The following CENPW variants were observed in gnomAD, a reference collection of about 807,000 sequenced individuals.
CENPW encodes cancer-up-regulated gene 2 protein.
A neutral mutation model predicts 11.1 loss-of-function variants in CENPW; 3 were observed. That is an observed-to-expected ratio of 0.27 (90% CI 0.12 to 0.70). The LOEUF (loss-of-function observed/expected upper bound fraction) is 0.70. CENPW is among the 30% of genes least tolerant of loss of function. The pLI is 0.77. For synonymous variants in CENPW, 38 were observed against 42.0 expected, an observed-to-expected ratio of 0.91 and a Z score of 0.37; for missense variants, 100 against 105.6, an observed-to-expected ratio of 0.95 and a Z score of 0.23.
At chr6:126,412,377 C>T in the CENPW span, among the ~76,000 whole-genome samples, 2 of 151,432 alleles carry the variant, frequency 1.3e-5, no homozygotes, top group African/African-American at 4.9e-5. Flanking sequence ...ATATGTTATC[C>T]CACTGCCTTC....
At chr6:126,416,166 T>G in the CENPW span, among the ~76,000 whole-genome samples, 3 of 152,174 alleles carry the variant, frequency 2.0e-5, no homozygotes, top group African/African-American at 7.2e-5. Context: ...AGGTGATGAC[T>G]CTTCTTATGT....
the CENPW span, among the ~76,000 whole-genome samples, chr6:126,454,788 G>T: frequency 6.6e-6 from 1 of 150,828 alleles, no homozygotes; most frequent in Non-Finnish European, 1.5e-5. Flanking sequence ...TCCATGAGTT[G>T]GTTTTTTGAT....
the CENPW span, among the ~76,000 whole-genome samples, chr6:126,368,592 A>T: frequency 6.7e-6 from 1 of 149,638 alleles, no homozygotes; most frequent in African/African-American, 2.5e-5. Flanking sequence ...TTTAGTGGTG[A>T]TGTGAGAGAT....
At chr6:126,477,220 T>C in the CENPW span, among the ~76,000 whole-genome samples, 1 of 151,888 alleles carries the variant, frequency 6.6e-6, no homozygotes, top group East Asian at 1.9e-4. Flanking sequence ...ATTAAGAGAG[T>C]ACAATGTCAA....
the CENPW span, among the ~76,000 whole-genome samples, chr6:126,367,960 G>A: frequency 2.6e-5 from 4 of 152,160 alleles, no homozygotes; most frequent in Non-Finnish European, 5.9e-5. Flanking sequence ...GTAATCTAGA[G>A]GACTTCCATT....
At chr6:126,365,367 C>G in the CENPW span, among the ~76,000 whole-genome samples, 69,516 of 151,990 alleles carry the variant, frequency 0.46, 17,509 homozygotes, top group East Asian at 0.97. Context: ...TTTGCAGGCT[C>G]TACAGGCTTC....
At chr6:126,463,218 C>T in the CENPW span, among the ~76,000 whole-genome samples, 160 of 151,982 alleles carry the variant, frequency 1.1e-3, no homozygotes, top group Non-Finnish European at 1.6e-3. Context: ...AAGACTAAAG[C>T]CCTGGATGTT....
chr6:126,356,875 T>C, the CENPW span, among the ~76,000 whole-genome samples: 3 of 152,140 alleles, frequency 2.0e-5, no homozygotes, highest in Non-Finnish European at 4.4e-5. Flanking sequence ...CTCCCATTTC[T>C]CCCATTTCTG....
chr6:126,447,053 C>T, the CENPW span, among the ~76,000 whole-genome samples: 1 of 151,046 alleles, frequency 6.6e-6, no homozygotes, highest in Non-Finnish European at 1.5e-5. Flanking sequence ...GGCCTACCTG[C>T]TGTTATAGGG....
the CENPW span, among the ~76,000 whole-genome samples, chr6:126,357,814 G>A: frequency 6.6e-6 from 1 of 151,894 alleles, no homozygotes; most frequent in Non-Finnish European, 1.5e-5. Flanking sequence ...TCACCATATC[G>A]GCCAGGCTGG....
the CENPW span, among the ~76,000 whole-genome samples, chr6:126,392,590 A>G: frequency 2.6e-5 from 4 of 151,842 alleles, no homozygotes; most frequent in African/African-American, 7.2e-5. Context: ...TCATTTTGTT[A>G]GAATGATGTA....
At chr6:126,426,693 G>A in the CENPW span, among the ~76,000 whole-genome samples, 6 of 152,178 alleles carry the variant, frequency 3.9e-5, no homozygotes, top group African/African-American at 1.4e-4. Context: ...AACCTCTACT[G>A]TTACCTCAAA....
chr6:126,446,451 A>G, the CENPW span, among the ~76,000 whole-genome samples: 1 of 150,356 alleles, frequency 6.7e-6, no homozygotes, highest in African/African-American at 2.4e-5. Context: ...TTACTGAGAC[A>G]GACTTTCTCT....
intron 2 of CENPW, among the ~76,000 whole-genome samples, chr6:126,348,097 T>A (rs1780442465): frequency 6.6e-6 from 1 of 151,998 alleles, no homozygotes; most frequent in Admixed American, 6.6e-5. Context: ...TTTAACTCTT[T>A]AATTGGTATT....
intron 2 of CENPW, among the ~76,000 whole-genome samples, chr6:126,347,776 T>A: frequency 6.6e-6 from 1 of 152,168 alleles, no homozygotes; most frequent in Middle Eastern, 3.4e-3. Context: ...TTTTTATTAA[T>A]AAACTGTAGG....
chr6:126,385,330 A>G, the CENPW span, among the ~76,000 whole-genome samples: 1 of 152,156 alleles, frequency 6.6e-6, no homozygotes. Flanking sequence ...AGTGCTATTC[A>G]CAATAGCAAA....
the CENPW span, among the ~76,000 whole-genome samples, chr6:126,382,259 C>T: frequency 6.6e-6 from 1 of 151,386 alleles, no homozygotes; most frequent in Non-Finnish European, 1.5e-5. Flanking sequence ...ATATATATAC[C>T]TTGAAGGTCA....
At chr6:126,428,873 ATAAT>A in the CENPW span, among the ~76,000 whole-genome samples, 1 of 152,194 alleles carries the variant, frequency 6.6e-6, no homozygotes, top group Admixed American at 6.5e-5. Flanking sequence ...GAAAATAACT[ATAAT>A]TATATATTCC....
At chr6:126,374,334 C>T in the CENPW span, among the ~76,000 whole-genome samples, 3 of 152,106 alleles carry the variant, frequency 2.0e-5, no homozygotes, top group Non-Finnish European at 4.4e-5. Flanking sequence ...ATAGCAAAGC[C>T]AGTGGCTCTT....
Sources: allele counts gnomAD v4.1 joint callset (sites outside exome capture counted in the v4.1 genomes callset), GRCh38; gene constraint gnomAD v4.1.1; transcripts MANE v1.5; gene names NCBI Gene and HGNC (gene_info 2026-07-23, HGNC 2026-07-21).